RANBP17: variants seen among roughly 807,000 people sequenced by gnomAD.
RANBP17 encodes the protein ran-binding protein 17.
Under a neutral mutation model 141.2 loss-of-function variants are expected in RANBP17, and 158 were observed. The ratio of observed to expected loss-of-function variants is 1.12; its 90% confidence interval spans 0.98 to 1.28. RANBP17 has a LOEUF of 1.28. Among genes scored for constraint, RANBP17 ranks in the 50% most tolerant of loss-of-function variants. The pLI, the probability that RANBP17 is intolerant of heterozygous loss-of-function variation, is 0.00. For synonymous variants in RANBP17, 430 were observed against 450.0 expected (o/e 0.96, Z 0.56); for missense variants, 1,438 against 1,290.7 (o/e 1.11, Z -1.75).
intron 20 of RANBP17, among the ~76,000 whole-genome samples, chr5:171,210,729 G>A (rs574505471): frequency 1.1e-4 from 17 of 152,208 alleles, no homozygotes; most frequent in Middle Eastern, 3.4e-3. Context: ...CTTCCTGGCC[G>A]GGCATGGTGG....
At chr5:171,172,124 G>A (rs1462582463) in intron 16 of RANBP17, among the ~76,000 whole-genome samples, 2 of 151,930 alleles carry the variant, frequency 1.3e-5, no homozygotes, top group Admixed American at 1.3e-4. Flanking sequence ...AACCTTTAAT[G>A]TAGGTTCATT....
chr5:171,058,278 A>G (rs1234665406), intron 14 of RANBP17, among the ~76,000 whole-genome samples: 11 of 149,586 alleles, frequency 7.4e-5, no homozygotes, highest in Admixed American at 1.3e-4. Flanking sequence ...ATCATTTAGC[A>G]TTAGGTATAT....
intron 14 of RANBP17, among the ~76,000 whole-genome samples, chr5:171,106,505 G>A (rs1202987572): frequency 6.6e-6 from 1 of 152,184 alleles, no homozygotes; most frequent in Non-Finnish European, 1.5e-5. Flanking sequence ...TAGAGGGTCT[G>A]TTTTGTGAAG....
At chr5:170,909,183 T>C (rs1432017084) in intron 5 of RANBP17, among the ~76,000 whole-genome samples, 1 of 151,974 alleles carries the variant, frequency 6.6e-6, no homozygotes, top group Non-Finnish European at 1.5e-5. Context: ...TTATAATTTC[T>C]GCCTTGGTTT....
intron 12 of RANBP17, among the ~76,000 whole-genome samples, chr5:170,938,069 A>G (rs1774032474): frequency 6.6e-6 from 1 of 152,032 alleles, no homozygotes; most frequent in Non-Finnish European, 1.5e-5. Flanking sequence ...CCTCCCTCCC[A>G]GCCTCTCCCA....
At chr5:171,001,052 T>C (rs1391029034) in intron 14 of RANBP17, among the ~76,000 whole-genome samples, 2 of 152,106 alleles carry the variant, frequency 1.3e-5, no homozygotes, top group Non-Finnish European at 2.9e-5. Context: ...TCTTCTTATA[T>C]TAATAAGAAA....
chr5:171,030,140 C>T (rs1781467025), intron 14 of RANBP17, among the ~76,000 whole-genome samples: 1 of 151,996 alleles, frequency 6.6e-6, no homozygotes, highest in Non-Finnish European at 1.5e-5. Flanking sequence ...GATTGTCTTC[C>T]TCTGAAATTT....
chr5:170,897,291 T>C (rs1770214572), intron 5 of RANBP17: 2 of 629,486 alleles, frequency 3.2e-6, no homozygotes, highest in Admixed American at 3.7e-5. Flanking sequence ...TTGCAGTGTT[T>C]CTTTATAATA....
At chr5:171,183,016 C>A in intron 16 of RANBP17, 151 bp from the exon 17 acceptor site, 1 of 543,412 alleles carries the variant, frequency 1.8e-6, no homozygotes, top group South Asian at 2.7e-5. Context: ...TCATTCTTAA[C>A]AGAAGGAAAG....
chr5:170,972,865 C>CT (rs1241316007), intron 14 of RANBP17, among the ~76,000 whole-genome samples: 8 of 152,288 alleles, frequency 5.3e-5, no homozygotes, highest in Non-Finnish European at 8.8e-5. Context: ...TTTTGTCAGA[C>CT]TTTAAGTTTT....
intron 14 of RANBP17, among the ~76,000 whole-genome samples, chr5:171,137,362 C>T (rs917768103): frequency 6.6e-5 from 10 of 152,110 alleles, no homozygotes; most frequent in African/African-American, 2.4e-4. Context: ...GTAGTATAGA[C>T]TGCATGGTGG....
chr5:171,029,053 C>T (rs749339259), intron 14 of RANBP17: 4 of 553,228 alleles, frequency 7.2e-6, no homozygotes, highest in Non-Finnish European at 5.2e-6. Context: ...CATACTCAGG[C>T]ATGAACTCAC....
At chr5:170,889,243 T>G (rs185156209) in intron 3 of RANBP17, among the ~76,000 whole-genome samples, 1 of 152,060 alleles carries the variant, frequency 6.6e-6, no homozygotes, top group Non-Finnish European at 1.5e-5. Context: ...CAGAGGATTT[T>G]TAGTTAAATT....
At position 171,298,845 on chromosome 5, in the gene RANBP17, A is replaced by G. The variant is rs564193084; in HGVS notation, c.3254A>G (p.Asp1085Gly). ...GGCAACACTGAACCATGCAGTCTCGACATGATGAGCTGACCCGACTTTTCT... is the reference window on the plus strand; with the variant it reads ...GGCAACACTGAACCATGCAGTCTCGGCATGATGAGCTGACCCGACTTTTCT... The part of the protein sequence containing the change: ...SDGNTEPCSL[D>G]MMS Residue 1085 changes from aspartate (D) to glycine (G), a missense_variant, in exon 28 of 28, where the codon GAC becomes GGC. Physicochemically the swap from Asp to Gly is moderately conservative, Grantham distance 94. Transcript: ENST00000523189. 1.2e-6 allele frequency: 2 copies of G among 1,613,994 alleles called. No individual in the cohort carries two copies. Among genetic ancestry groups the G allele is most frequent in the South Asian group, 1.1e-5 (1 of 91,060 alleles).
intron 14 of RANBP17, among the ~76,000 whole-genome samples, chr5:171,091,551 G>A (rs936747452): frequency 3.9e-5 from 6 of 152,178 alleles, no homozygotes; most frequent in African/African-American, 1.2e-4. Context: ...GTTTTGAAAT[G>A]TAAGGACATG....
intron 14 of RANBP17, among the ~76,000 whole-genome samples, chr5:171,026,346 A>T (rs1341868711): frequency 6.6e-6 from 1 of 152,218 alleles, no homozygotes; most frequent in Admixed American, 6.5e-5. Context: ...CAGTGTACAC[A>T]GTTAGTGACA....
At chr5:171,179,013 G>C (rs1357372588) in intron 16 of RANBP17, among the ~76,000 whole-genome samples, 2 of 152,156 alleles carry the variant, frequency 1.3e-5, no homozygotes, top group Admixed American at 1.3e-4. Flanking sequence ...CTGTGCAGAA[G>C]CTCTTTCATT....
intron 5 of RANBP17, among the ~76,000 whole-genome samples, chr5:170,908,779 T>C (rs749647922): frequency 3.9e-5 from 6 of 151,924 alleles, no homozygotes; most frequent in African/African-American, 7.2e-5. Flanking sequence ...TAAGTAAATA[T>C]GGCAATCGAG....
chr5:171,062,256 G>C (rs1019703335), intron 14 of RANBP17, among the ~76,000 whole-genome samples: 2 of 152,224 alleles, frequency 1.3e-5, no homozygotes, highest in Non-Finnish European at 2.9e-5. Context: ...TCCTAGCCTT[G>C]ATGGTCTTTA....
Sources: gnomAD v4.1 joint callset for allele counts (sites outside exome capture counted in the v4.1 genomes callset) on GRCh38, gnomAD v4.1.1 for gene constraint, MANE v1.5 for transcripts, NCBI Gene and HGNC (gene_info 2026-07-23, HGNC 2026-07-21) for gene names.